The following RBFOX1 variants were observed in gnomAD, a reference collection of about 807,000 sequenced individuals.
RBFOX1 encodes RNA binding protein fox-1 homolog 1.
In RBFOX1, 8 loss-of-function variants were observed where a neutral mutation model predicts 57.7. That is an observed-to-expected ratio of 0.14 (90% CI 0.08 to 0.25). The LOEUF is 0.25. Ranked by LOEUF, RBFOX1 falls within the 10% of genes least tolerant of loss-of-function variation. The pLI is 1.00. For missense variants in RBFOX1, 611 were observed against 548.5 expected, an observed-to-expected ratio of 1.11 and a Z score of -1.14; for synonymous variants, 326 against 222.4, an observed-to-expected ratio of 1.47 and a Z score of -4.15.
chr16:6,824,394 C>T (rs562571875), intron 3 of RBFOX1, among the ~76,000 whole-genome samples: 12 of 152,244 alleles, frequency 7.9e-5, no homozygotes, highest in African/African-American at 2.4e-4. Context: ...GGCAACAGAG[C>T]GAGATTCCAT....
intron 4 of RBFOX1, among the ~76,000 whole-genome samples, chr16:7,053,503 A>G (rs80162417): frequency 6.6e-6 from 1 of 152,208 alleles, no homozygotes; most frequent in Admixed American, 6.5e-5. Flanking sequence ...GGTCAGAGCT[A>G]GATAAAGAGA....
intron 2 of RBFOX1, among the ~76,000 whole-genome samples, chr16:6,425,656 G>T (rs2093904424): frequency 6.6e-6 from 1 of 151,994 alleles, no homozygotes; most frequent in South Asian, 2.1e-4. Flanking sequence ...GATGGACTTT[G>T]TAGGCATTTC....
At chr16:5,572,276 C>T (rs1282952404) in intron 2 of RBFOX1, among the ~76,000 whole-genome samples, 2 of 152,162 alleles carry the variant, frequency 1.3e-5, no homozygotes, top group Non-Finnish European at 2.9e-5. Flanking sequence ...TCTCTTCATT[C>T]TTATCTTTGA....
chr16:6,598,955 A>G (rs1469978866), intron 2 of RBFOX1, among the ~76,000 whole-genome samples: 1 of 133,600 alleles, frequency 7.5e-6, no homozygotes, highest in East Asian at 1.9e-4. Context: ...TAAAAACAAA[A>G]CAAAACAAAA....
intron 1 of RBFOX1, among the ~76,000 whole-genome samples, chr16:5,362,722 G>A (rs996347947): frequency 1.3e-5 from 2 of 151,948 alleles, no homozygotes; most frequent in South Asian, 4.1e-4. Context: ...CTCAGCCCCC[G>A]ACAACCACCA....
At chr16:5,655,619 G>A (rs1470551304) in intron 3 of RBFOX1, among the ~76,000 whole-genome samples, 2 of 152,212 alleles carry the variant, frequency 1.3e-5, no homozygotes, top group African/African-American at 4.8e-5. Flanking sequence ...CCTTGATACA[G>A]CAGAGTGCCC....
intron 2 of RBFOX1, among the ~76,000 whole-genome samples, chr16:6,454,662 C>A (rs1567313047): frequency 6.6e-6 from 1 of 152,092 alleles, no homozygotes; most frequent in African/African-American, 2.4e-5. Context: ...CAGCACTTCA[C>A]CTACATGTGC....
chr16:6,981,014 G>C (rs1453640731), intron 3 of RBFOX1, among the ~76,000 whole-genome samples: 4 of 122,442 alleles, frequency 3.3e-5, no homozygotes, highest in Admixed American at 8.5e-5. Context: ...CTGCACTCCA[G>C]CCTGGGTGGC....
intron 2 of RBFOX1, among the ~76,000 whole-genome samples, chr16:5,515,819 C>G (rs114788111): frequency 1.8e-3 from 270 of 152,272 alleles, no homozygotes; most frequent in African/African-American, 6.3e-3. Flanking sequence ...GGAAATGATG[C>G]GTAAGGCTCC....
chr16:6,746,728 A>G (rs374343901), intron 3 of RBFOX1, among the ~76,000 whole-genome samples: 1 of 152,278 alleles, frequency 6.6e-6, no homozygotes, highest in East Asian at 1.9e-4. Flanking sequence ...TTATTAATTA[A>G]TTGAAAGTTT....
intron 4 of RBFOX1, among the ~76,000 whole-genome samples, chr16:7,162,567 T>TAA (rs1176692946): frequency 0.026 from 2,753 of 107,722 alleles, 94 homozygotes; most frequent in African/African-American, 0.073. Context: ...CTGTCTCTAC[T>TAA]AAAAAAAAAA....
intron 1 of RBFOX1, among the ~76,000 whole-genome samples, chr16:6,242,245 T>C (rs2097543545): frequency 1.3e-5 from 2 of 152,180 alleles, no homozygotes; most frequent in East Asian, 1.9e-4. Flanking sequence ...TATAAGTATA[T>C]GTTGTTTATT....
At chr16:6,256,313 GTATATA>G (rs1475746244) in intron 1 of RBFOX1, among the ~76,000 whole-genome samples, 1 of 140,256 alleles carries the variant, frequency 7.1e-6, no homozygotes, top group African/African-American at 2.6e-5. Context: ...ATATATATAT[GTATATA>G]TATAAGGCAG....
chr16:5,598,822 A>G, intron 2 of RBFOX1: 1 of 1,092,918 alleles, frequency 9.1e-7, no homozygotes, highest in Admixed American at 2.7e-5. Context: ...GTTGTGCTAA[A>G]CTGGGTTACT....
At chr16:7,507,298 A>C (rs1363770209) in intron 4 of RBFOX1, among the ~76,000 whole-genome samples, 1 of 152,214 alleles carries the variant, frequency 6.6e-6, no homozygotes, top group Non-Finnish European at 1.5e-5. Flanking sequence ...GAAACAATAT[A>C]AACTCTTAAC....
intron 4 of RBFOX1, among the ~76,000 whole-genome samples, chr16:7,196,290 C>G (rs2086674101): frequency 6.6e-6 from 1 of 152,122 alleles, no homozygotes; most frequent in Admixed American, 6.5e-5. Context: ...ACTGTGTTAT[C>G]TTCACTCTCC....
intron 4 of RBFOX1, among the ~76,000 whole-genome samples, chr16:5,936,527 G>A (rs1321633373): frequency 1.3e-5 from 2 of 152,212 alleles, no homozygotes; most frequent in African/African-American, 2.4e-5. Context: ...AAGTTCCTCT[G>A]CCCATGTCAA....
intron 3 of RBFOX1, among the ~76,000 whole-genome samples, chr16:5,662,452 C>A (rs2049686594): frequency 6.6e-6 from 1 of 152,144 alleles, no homozygotes; most frequent in African/African-American, 2.4e-5. Context: ...AAAACTCCCC[C>A]ATACACTCAT....
chr16:6,544,427 G>C (rs56066042), intron 2 of RBFOX1, among the ~76,000 whole-genome samples: 1 of 152,128 alleles, frequency 6.6e-6, no homozygotes, highest in East Asian at 1.9e-4. Context: ...GGCTTCACTG[G>C]TCCAGCTTAG....
Sources: allele counts gnomAD v4.1 joint callset (sites outside exome capture counted in the v4.1 genomes callset), GRCh38; gene constraint gnomAD v4.1.1; transcripts MANE v1.5; gene names NCBI Gene and HGNC (gene_info 2026-07-23, HGNC 2026-07-21).